Variants in SP100 observed in about 807,000 individuals in gnomAD.
SP100 encodes the protein SP100 nuclear body protein.
SP100 carries 84 observed loss-of-function variants against 130.0 expected under a neutral mutation model. The ratio of observed to expected loss-of-function variants is 0.65; its 90% CI spans 0.54 to 0.77. The LOEUF is 0.77. SP100 is among the 30% of genes least tolerant of loss of function. The pLI, the probability that SP100 is intolerant of heterozygous loss-of-function variation, is 0.00. For missense variants in SP100, 978 were observed against 1,052.2 expected, an observed-to-expected ratio of 0.93 and a Z score of 0.97; for synonymous variants, 331 against 351.7, an observed-to-expected ratio of 0.94 and a Z score of 0.66.
In SP100 at chr2:230,494,433, A is replaced by T. The variant is rs1472088806; in HGVS notation, c.1618A>T (p.Arg540Ter). The T allele has an allele frequency of 6.2e-7, 1 of 1,607,134 alleles. No homozygotes were observed. Among genetic ancestry groups the T allele is most frequent in the Non-Finnish European group, 8.5e-7 (1 of 1,173,768 alleles). Residue 540 changes from arginine to a stop codon, truncating the protein, a stop_gained, in exon 18 of 29, where the codon AGA becomes TGA. Coordinates refer to ENST00000340126, the MANE Select transcript of SP100 (RefSeq NM_001080391.2). LOFTEE classifies it high-confidence loss of function. Reference sequence around the variant, plus strand: ...GTTTGCAGGAAAAAAGAGAAGGCATAGATCTAAAGTAAATGGTCTCCAAAG... The same window carrying T: ...GTTTGCAGGAAAAAAGAGAAGGCATTGATCTAAAGTAAATGGTCTCCAAAG... ...SGKRRKKRRH[R>*]SKVNGLQRGR...
At chr2:230,435,554 CT>C (rs200502797) in intron 2 of SP100, among the ~76,000 whole-genome samples, 1 of 151,844 alleles carries the variant, frequency 6.6e-6, no homozygotes, top group South Asian at 2.1e-4. Context: ...TTTGATTCAG[CT>C]TTTTTTCCAA....
At chr2:230,483,413 C>A (rs1348232222) in intron 17 of SP100, among the ~76,000 whole-genome samples, 2 of 152,168 alleles carry the variant, frequency 1.3e-5, no homozygotes, top group Non-Finnish European at 2.9e-5. Flanking sequence ...AGGGAGACCA[C>A]TGGCTGGAGA....
chr2:230,470,614 C>G (rs1359494248), intron 15 of SP100: 8 of 208,956 alleles, frequency 3.8e-5, no homozygotes, highest in Non-Finnish European at 6.7e-5. Flanking sequence ...CAAATAATAT[C>G]TTATTTTGTC....
In SP100 at chr2:230,494,435, A is replaced by T; in HGVS notation, c.1620A>T (p.Arg540Ser). Residue 540 changes from arginine to serine, a missense_variant, in exon 18 of 29, where the codon AGA becomes AGT. Coordinates refer to ENST00000340126, the MANE Select transcript of SP100 (RefSeq NM_001080391.2). ...SGKRRKKRRH[R>S]SKVNGLQRGR... The stretch of plus-strand genomic sequence containing the variant: ...TTGCAGGAAAAAAGAGAAGGCATAG[A>T]TCTAAAGTAAATGGTCTCCAAAGAG... 2 of 1,607,690 alleles carry T rather than the reference A, an allele frequency of 1.2e-6. No individual in the cohort carries two copies. Among genetic ancestry groups the T allele is most frequent in the Non-Finnish European group, 1.7e-6 (2 of 1,174,272 alleles).
At chr2:230,444,415 C>T (rs889064255) in intron 4 of SP100, 69 bp downstream of exon 4, 8 of 1,259,198 alleles carry the variant, frequency 6.4e-6, no homozygotes, top group Non-Finnish European at 8.0e-6. Context: ...ATACTGATCT[C>T]CTACCATGAG....
At chr2:230,468,059 T>C (rs998485370) in intron 13 of SP100, among the ~76,000 whole-genome samples, 1 of 152,134 alleles carries the variant, frequency 6.6e-6, no homozygotes, top group African/African-American at 2.4e-5. Flanking sequence ...ACAAATAAGA[T>C]CTACTTGCAT....
intron 2 of SP100, among the ~76,000 whole-genome samples, chr2:230,429,018 G>T (rs1417869235): frequency 6.6e-6 from 1 of 152,172 alleles, no homozygotes; most frequent in Non-Finnish European, 1.5e-5. Context: ...TTCTGACTTT[G>T]ACTGTATATT....
At chr2:230,422,359 C>G (rs1368800043) in intron 2 of SP100, among the ~76,000 whole-genome samples, 1 of 152,148 alleles carries the variant, frequency 6.6e-6, no homozygotes, top group African/African-American at 2.4e-5. Context: ...GGTGTCCATT[C>G]ACATTTCGGA....
In SP100 at chr2:230,417,668, GATGA is replaced by G; in HGVS notation, c.107+9_107+12del. On this transcript the variant is annotated splice_donor_5th_base_variant and intron_variant, in intron 2 of 28. Coordinates refer to ENST00000340126, the MANE Select transcript of SP100 (RefSeq NM_001080391.2). The stretch of plus-strand genomic sequence containing the variant: ...GCACACAGCCACGATTTGCAAAGGT[GATGA>G]ATGAAGAGTTATGTCTTGTTTTAAT... 2.5e-6 allele frequency: 4 copies of G among 1,611,654 alleles called. No homozygotes were observed. The highest frequency in any genetic ancestry group is 3.4e-6 in the Non-Finnish European group (4 of 1,179,234).
intron 19 of SP100, among the ~76,000 whole-genome samples, 185 bp downstream of exon 19, chr2:230,498,720 G>A (rs539181126): frequency 1.3e-5 from 2 of 152,268 alleles, no homozygotes; most frequent in Non-Finnish European, 2.9e-5. Context: ...GTAGCTAGGT[G>A]ATGAATCTGC....
chr2:230,499,253 C>G (rs1036717063), intron 19 of SP100, among the ~76,000 whole-genome samples: 1 of 151,534 alleles, frequency 6.6e-6, no homozygotes, highest in Admixed American at 6.6e-5. Flanking sequence ...GCAAAGCCTC[C>G]TCCCTGTACA....
chr2:230,491,159 G>A (rs1422459407), intron 17 of SP100, among the ~76,000 whole-genome samples: 1 of 152,176 alleles, frequency 6.6e-6, no homozygotes, highest in African/African-American at 2.4e-5. Flanking sequence ...TTTCTTGGAG[G>A]CTTTATTCAA....
chr2:230,426,307 TTTC>T (rs1455930398), intron 2 of SP100, among the ~76,000 whole-genome samples: 4 of 152,198 alleles, frequency 2.6e-5, no homozygotes, highest in Non-Finnish European at 2.9e-5. Context: ...TTACCTTATC[TTTC>T]TTCATCAACT....
chr2:230,497,483 GGAGGGGAGGAGAGGA>G (rs1559520338), intron 18 of SP100, among the ~76,000 whole-genome samples: 34 of 61,552 alleles, frequency 5.5e-4, no homozygotes, highest in African/African-American at 2.1e-3. Context: ...GGAGGGGAGG[GGAGGGGAGGAGAGGA>G]GAGGAGAGGA....
At chr2:230,531,146 A>G (rs1691680973) in intron 24 of SP100, among the ~76,000 whole-genome samples, 1 of 152,222 alleles carries the variant, frequency 6.6e-6, no homozygotes, top group Non-Finnish European at 1.5e-5. Flanking sequence ...ACTATTCACA[A>G]TAGCAAAGAC....
At chr2:230,513,053 T>A (rs1010150869) in intron 24 of SP100, among the ~76,000 whole-genome samples, 1 of 152,120 alleles carries the variant, frequency 6.6e-6, no homozygotes, top group Non-Finnish European at 1.5e-5. Flanking sequence ...ACAGATGAAG[T>A]TTCACTCACT....
rs755735086 is a variant in SP100, at chr2:230,515,117, C to T, written c.2094+3951C>T. ...CAGGAGGAGCATAAGAAGAAGAACC[C>T]AGATGCTTCAGTCAAGTTCTCAGAG... On this transcript the variant is annotated intron_variant, in intron 24 of 28. Coordinates refer to ENST00000340126, the MANE Select transcript of SP100 (RefSeq NM_001080391.2). 21 of 1,612,878 alleles carry T rather than the reference C, an allele frequency of 1.3e-5. No individual in the cohort carries two copies. In the South Asian group the frequency reaches 2.1e-4, roughly 16 times the overall value.
intron 15 of SP100, among the ~76,000 whole-genome samples, chr2:230,471,511 A>G (rs1024254416): frequency 2.0e-5 from 3 of 152,192 alleles, no homozygotes; most frequent in African/African-American, 7.2e-5. Context: ...GCAGCCCATT[A>G]GCTTGTGATG....
At chr2:230,506,201 C>T (rs1690086628) in intron 21 of SP100, 102 bp from the exon 22 acceptor site, 13 of 1,255,746 alleles carry the variant, frequency 1.0e-5, no homozygotes, top group South Asian at 6.9e-5. Flanking sequence ...TTTACTGCTA[C>T]GATCCTAAGC....
Sources: allele counts gnomAD v4.1 joint callset (sites outside exome capture counted in the v4.1 genomes callset), GRCh38; gene constraint gnomAD v4.1.1; transcripts MANE v1.5; gene names NCBI Gene and HGNC (gene_info 2026-07-23, HGNC 2026-07-21).